The following MED27 variants were observed in gnomAD, a reference collection of about 807,000 sequenced individuals.
MED27 encodes the protein mediator of RNA polymerase II transcription subunit 27.
A neutral mutation model predicts 38.2 loss-of-function variants in MED27; 30 were observed. That is an observed-to-expected ratio of 0.79 (90% CI 0.59 to 1.07). The LOEUF (loss-of-function observed/expected upper bound fraction) is 1.07, where lower values mean the gene tolerates loss of function less well. Ranked by LOEUF, MED27 falls within the 50% of genes least tolerant of loss-of-function variation. MED27 has a pLI of 0.00. For synonymous variants in MED27, 122 were observed against 153.5 expected (o/e 0.79, Z 1.52); for missense variants, 289 against 397.5 (o/e 0.73, Z 2.32).
At chr9:132,032,632 C>G (rs1832988896) in intron 2 of MED27, among the ~76,000 whole-genome samples, 2 of 152,134 alleles carry the variant, frequency 1.3e-5, no homozygotes, top group Non-Finnish European at 2.9e-5. Flanking sequence ...TGTTCGTTCC[C>G]AAATGTAGCT....
At chr9:131,874,591 G>C (rs1838895910) in intron 6 of MED27, among the ~76,000 whole-genome samples, 1 of 152,176 alleles carries the variant, frequency 6.6e-6, no homozygotes, top group African/African-American at 2.4e-5. Context: ...TGCCTGGAAG[G>C]TGGGGCCTGG....
At chr9:132,024,002 G>A (rs1230957106) in intron 2 of MED27, among the ~76,000 whole-genome samples, 3 of 152,168 alleles carry the variant, frequency 2.0e-5, no homozygotes, top group Non-Finnish European at 4.4e-5. Context: ...GTCCAAGGAG[G>A]CACCTGCTTT....
intron 4 of MED27, among the ~76,000 whole-genome samples, chr9:131,922,145 C>T (rs1473882535): frequency 2.0e-5 from 3 of 151,172 alleles, no homozygotes; most frequent in Admixed American, 2.0e-4. Context: ...ACATTGTGCA[C>T]ATGTACCCTA....
At chr9:131,933,265 C>A (rs373293483) in intron 4 of MED27, among the ~76,000 whole-genome samples, 1 of 151,928 alleles carries the variant, frequency 6.6e-6, no homozygotes, top group African/African-American at 2.4e-5. Context: ...CTAGAGCAAT[C>A]AGACAAGAGA....
intron 5 of MED27, among the ~76,000 whole-genome samples, chr9:131,890,160 G>A (rs149475131): frequency 2.0e-5 from 3 of 152,278 alleles, no homozygotes; most frequent in African/African-American, 7.2e-5. Context: ...CATTTGTGAA[G>A]TGCTCTGAAA....
At chr9:132,012,249 G>A (rs1321086628) in intron 3 of MED27, among the ~76,000 whole-genome samples, 4 of 152,218 alleles carry the variant, frequency 2.6e-5, no homozygotes, top group African/African-American at 4.8e-5. Flanking sequence ...AGACTTTAGA[G>A]AGCTGAAAGT....
At chr9:132,026,707 A>G (rs1832827421) in intron 2 of MED27, among the ~76,000 whole-genome samples, 1 of 152,218 alleles carries the variant, frequency 6.6e-6, no homozygotes, top group Non-Finnish European at 1.5e-5. Flanking sequence ...TAAGCCCCGT[A>G]GGAGTAGATA....
intron 2 of MED27, among the ~76,000 whole-genome samples, chr9:132,055,065 C>T (rs1323815596): frequency 6.6e-6 from 1 of 152,170 alleles, no homozygotes; most frequent in Non-Finnish European, 1.5e-5. Flanking sequence ...GATCTGCTTC[C>T]TTGCTGTCCC....
chr9:132,040,226 A>C (rs1169627444), intron 2 of MED27, among the ~76,000 whole-genome samples: 8 of 152,252 alleles, frequency 5.3e-5, no homozygotes, highest in African/African-American at 1.9e-4. Flanking sequence ...GCCAGCCACC[A>C]GGGGCCTCAG....
intron 4 of MED27, among the ~76,000 whole-genome samples, chr9:131,918,094 A>T (rs996031820): frequency 6.6e-6 from 1 of 152,206 alleles, no homozygotes; most frequent in East Asian, 1.9e-4. Context: ...CACTATTGTA[A>T]ATGCCAGCCA....
chr9:131,980,669 T>A (rs1362064330), intron 3 of MED27, among the ~76,000 whole-genome samples: 7 of 152,054 alleles, frequency 4.6e-5, no homozygotes, highest in Admixed American at 3.3e-4. Flanking sequence ...CTGCCCTTCT[T>A]GAAAACTGTT....
In MED27 at chr9:131,973,394, A is replaced by T. The variant is rs138130548; in HGVS notation, c.480-33920T>A. Among the ~76,000 whole-genome samples the T allele has an allele frequency of 1.8e-3, 272 of 151,944 alleles. 2 individuals are homozygous for T. Among genetic ancestry groups the T allele is most frequent in the Middle Eastern group, 0.017 (5 of 288 alleles). ...GTGTGACCATTCTGGCCAATGAGAC[A>T]TGAAGAAATCGGCCGCAGGGCTTCT... On this transcript the variant is annotated intron_variant, in intron 3 of 7. Transcript: ENST00000292035.
intron 6 of MED27, among the ~76,000 whole-genome samples, chr9:131,874,692 G>A (rs1325340536): frequency 6.6e-6 from 1 of 152,156 alleles, no homozygotes; most frequent in Non-Finnish European, 1.5e-5. Context: ...GCGTAGCTGC[G>A]AGGAGACGCG....
At chr9:131,957,265 CTTT>C (rs575713447) in intron 3 of MED27, among the ~76,000 whole-genome samples, 1 of 146,156 alleles carries the variant, frequency 6.8e-6, no homozygotes. Context: ...TTCTTTTATT[CTTT>C]TTTTTTTTTG....
rs183100013 is a variant in MED27 at position 132,073,489 on chromosome 9, A to G, written c.348+3953T>C. 3.5e-3 allele frequency: 4,242 copies of G among 1,216,506 alleles called. 12 individuals are homozygous for G. Among genetic ancestry groups the G allele is most frequent in the South Asian group, 0.015 (466 of 31,940 alleles). The allele number at this position is 1,216,506 out of a possible 1,614,324, so 75.4% of individuals were successfully genotyped here. A position where few individuals can be genotyped will look rare whatever the true frequency, so the allele number is the denominator to read the frequency against. On this transcript the variant is annotated intron_variant, in intron 2 of 7. Transcript: ENST00000292035. ...ATGGTGCCTCTCCCCTGAGCCTTAT[A>G]GTTTACCCTTAATAGAGGACAGAGT...
intron 4 of MED27, among the ~76,000 whole-genome samples, chr9:131,930,540 G>A (rs1443235529): frequency 6.6e-6 from 1 of 152,050 alleles, no homozygotes; most frequent in Non-Finnish European, 1.5e-5. Flanking sequence ...GCATGAAGGA[G>A]AAATAAAGAC....
intron 4 of MED27, among the ~76,000 whole-genome samples, chr9:131,904,389 T>G (rs11789924): frequency 1.3e-5 from 2 of 151,964 alleles, no homozygotes; most frequent in Admixed American, 6.6e-5. Context: ...ATAAGACGTG[T>G]TTTATTTTTA....
intron 4 of MED27, among the ~76,000 whole-genome samples, chr9:131,906,687 G>C (rs901889262): frequency 6.6e-6 from 1 of 152,244 alleles, no homozygotes; most frequent in Non-Finnish European, 1.5e-5. Flanking sequence ...AAGGGATCCT[G>C]ATCCAGACCC....
chr9:131,992,056 A>G (rs1248825398), intron 3 of MED27, among the ~76,000 whole-genome samples: 3 of 152,174 alleles, frequency 2.0e-5, no homozygotes, highest in Non-Finnish European at 2.9e-5. Flanking sequence ...TTTACCCAAA[A>G]TGAACTTTGT....
Sources: gnomAD v4.1 joint callset for allele counts (sites outside exome capture counted in the v4.1 genomes callset) on GRCh38, gnomAD v4.1.1 for gene constraint, MANE v1.5 for transcripts, NCBI Gene and HGNC (gene_info 2026-07-23, HGNC 2026-07-21) for gene names.